The following KMT5A variants were observed in gnomAD, a reference collection of about 807,000 sequenced individuals.
KMT5A encodes N-lysine methyltransferase KMT5A.
A neutral mutation model predicts 40.6 loss-of-function variants in KMT5A; 6 were observed. That is an observed-to-expected ratio of 0.15 (90% CI 0.08 to 0.29). The LOEUF is 0.29. KMT5A is among the 10% of genes least tolerant of loss of function. KMT5A has a pLI of 1.00. For missense variants in KMT5A, 308 were observed against 459.1 expected (o/e 0.67, Z 3.01); for synonymous variants, 153 against 178.8 (o/e 0.86, Z 1.15).
intron 3 of KMT5A, among the ~76,000 whole-genome samples, chr12:123,393,268 A>T (rs1473298856): frequency 6.6e-6 from 1 of 152,150 alleles, no homozygotes; most frequent in African/African-American, 2.4e-5. Context: ...GGTGGTTTTT[A>T]GTATATTCAC....
At chr12:123,405,605 C>T (rs1290196568) in intron 7 of KMT5A, among the ~76,000 whole-genome samples, 1 of 150,548 alleles carries the variant, frequency 6.6e-6, no homozygotes, top group African/African-American at 2.4e-5. Flanking sequence ...CTGCAACCTC[C>T]ACCTCCCGGG....
At position 123,389,502 on chromosome 12, in the gene KMT5A, CG is replaced by C; in HGVS notation, c.83del (p.Gly28AlafsTer31). On this transcript the variant is annotated frameshift_variant, in exon 2 of 8. Transcript: ENST00000402868. LOFTEE classifies it high-confidence loss of function. ...GCGGCGGCGGTGGCAGCGACGGCCC[CG>C]GGCCCGGAGATGGTGGAGCGGAGGG... ...AAAAAVAATA[P>X]GPEMVERRGP... The C allele has an allele frequency of 8.9e-7, 1 of 1,127,332 alleles. No homozygotes were observed. The highest frequency in any genetic ancestry group is 1.1e-6 in the Non-Finnish European group (1 of 926,226). 69.8% of individuals were successfully genotyped at this position (1,127,332 alleles called of 1,614,324 possible).
chr12:123,407,876 G>T lies in KMT5A; in HGVS notation c.*173G>T, dbSNP rs1382697592. ...TGTAGTATTTAAATATCTGTTACAGGTTTCCAAGGTGGACTTGAACAGATG... is the reference window on the plus strand; with the variant it reads ...TGTAGTATTTAAATATCTGTTACAGTTTTCCAAGGTGGACTTGAACAGATG... On this transcript the variant is annotated 3_prime_UTR_variant, in exon 8 of 8. Coordinates refer to ENST00000402868, the MANE Select transcript of KMT5A (RefSeq NM_020382.7). 1 of 599,586 alleles carries T rather than the reference G, an allele frequency of 1.7e-6. No individual in the cohort carries two copies. Among genetic ancestry groups the T allele is most frequent in the Admixed American group, 3.0e-5 (1 of 33,336 alleles). 37.1% of individuals were successfully genotyped at this position (599,586 alleles called of 1,614,324 possible). A position where few individuals can be genotyped will look rare whatever the true frequency, so the allele number is the denominator to read the frequency against.
intron 3 of KMT5A, among the ~76,000 whole-genome samples, chr12:123,393,208 A>G (rs758424990): frequency 7.2e-5 from 11 of 152,062 alleles, no homozygotes; most frequent in Non-Finnish European, 1.3e-4. Context: ...TGTTTTGTTT[A>G]TCTAGATATA....
chr12:123,390,634 A>C lies in KMT5A; in HGVS notation c.137A>C (p.Asn46Thr). ...GPGRPRTDGE[N>T]VFTGQSKIYS... is the part of the protein sequence containing the mutation. ...AATATGCTTTTGTCTTTTTAGGAGA[A>C]CGTATTTACCGGGCAGTCAAAGATC... Residue 46 changes from asparagine to threonine, a missense_variant, in exon 3 of 8, where the codon AAC becomes ACC. By Grantham distance (65) the Asn-to-Thr change is moderately conservative (BLOSUM62 0). Transcript: ENST00000402868. The C allele has an allele frequency of 6.2e-7, 1 of 1,613,610 alleles. No individual in the cohort carries two copies. The highest frequency in any genetic ancestry group is 1.7e-4 in the Middle Eastern group (1 of 6,036).
intron 4 of KMT5A, 81 bp from the exon 5 acceptor site, chr12:123,396,264 C>CGGTGTGTGCCTTCTAAGGA: frequency 1.5e-6 from 2 of 1,319,376 alleles, no homozygotes; most frequent in South Asian, 2.4e-5. Context: ...TGTGCCTCCT[C>CGGTGTGTGCCTTCTAAGGA]GGTGTGTGCC....
intron 5 of KMT5A, 111 bp from the exon 6 acceptor site, chr12:123,403,462 C>A: frequency 8.6e-7 from 1 of 1,165,260 alleles, no homozygotes; most frequent in Non-Finnish European, 1.3e-6. Flanking sequence ...CAAATGAGGC[C>A]GATTGTGGCC....
Position 123,390,870 on chromosome 12 carries a change from T to C in KMT5A, c.289+84T>C, listed in dbSNP as rs201507402. ...TCCTCTGCAAGAATGCACATATGTA[T>C]TTATCCAACCTTTTCAGTCTCAGAT... On this transcript the variant is annotated intron_variant, in intron 3 of 7. Coordinates refer to ENST00000402868, the MANE Select transcript of KMT5A (RefSeq NM_020382.7). 191 of 1,469,808 alleles carry C rather than the reference T, an allele frequency of 1.3e-4. No individual in the cohort carries two copies. The East Asian group carries it at 4.1e-3, about 32-fold the overall frequency. 91.0% of individuals were successfully genotyped at this position (1,469,808 alleles called of 1,614,324 possible). A position where few individuals can be genotyped will look rare whatever the true frequency, so the allele number is the denominator to read the frequency against.
chr12:123,406,603 C>T (rs190935542), intron 7 of KMT5A, among the ~76,000 whole-genome samples: 275 of 152,286 alleles, frequency 1.8e-3, no homozygotes, highest in African/African-American at 6.1e-3. Context: ...CGTGAGCCAC[C>T]GCGCCTGGCG....
chr12:123,400,807 TTTTTTTG>T (rs971097610), intron 5 of KMT5A, among the ~76,000 whole-genome samples: 25 of 152,090 alleles, frequency 1.6e-4, no homozygotes, highest in Non-Finnish European at 3.1e-4. Context: ...GTTGAAGTTT[TTTTTTTG>T]TTTTTTGTTT....
intron 5 of KMT5A, among the ~76,000 whole-genome samples, chr12:123,401,656 A>C (rs1447822748): frequency 6.6e-6 from 1 of 151,886 alleles, no homozygotes; most frequent in African/African-American, 2.4e-5. Context: ...ATCTTGGCCT[A>C]CTGCAAACTC....
chr12:123,393,683 G>A (rs1337043026), intron 3 of KMT5A, among the ~76,000 whole-genome samples: 1 of 152,022 alleles, frequency 6.6e-6, no homozygotes, highest in Non-Finnish European at 1.5e-5. Context: ...GGGATTATAG[G>A]CGCACACCAC....
At position 123,384,879 on chromosome 12, in the gene KMT5A, C is replaced by T. The variant is rs916411800; in HGVS notation, c.10+671C>T. 1.3e-5 allele frequency among the ~76,000 whole-genome samples: 2 copies of T among 152,202 alleles called. No individual in the cohort carries two copies. The highest frequency in any genetic ancestry group is 2.4e-5 in the African/African-American group (1 of 41,468). On this transcript the variant is annotated intron_variant, in intron 1 of 7. Coordinates refer to ENST00000402868, the MANE Select transcript of KMT5A (RefSeq NM_020382.7). This position sits in a 1 kb window ranked among gnomAD's most constrained non-coding sequence, Gnocchi z 5.7. ...TTGTACAGCCCTGGGAGGCGATGCC[C>T]TGTCTGAAGTCCTCTGCATACTTAG...
chr12:123,400,156 C>A (rs148312590), intron 5 of KMT5A, among the ~76,000 whole-genome samples: 239 of 147,742 alleles, frequency 1.6e-3, no homozygotes, highest in Non-Finnish European at 2.9e-3. Flanking sequence ...TTAAAAAGGC[C>A]TCCCAAGTAG....
In KMT5A at chr12:123,408,737, C is replaced by T. The variant is rs184261621; in HGVS notation, c.*1034C>T. 6.6e-6 allele frequency: 1 copy of T among 152,438 alleles called. No homozygotes were observed. Among genetic ancestry groups the T allele is most frequent in the African/African-American group, 2.4e-5 (1 of 41,394 alleles). The allele number at this position is 152,438 out of a possible 1,614,324, so 9.4% of individuals were successfully genotyped here. On this transcript the variant is annotated 3_prime_UTR_variant, in exon 8 of 8. Transcript: ENST00000402868. ...AAAGTTCCAGACCTGCTGTCGAGGCCTTGTGTTTGTCAGACACCCAGTGTC... is the reference window on the plus strand; with the variant it reads ...AAAGTTCCAGACCTGCTGTCGAGGCTTTGTGTTTGTCAGACACCCAGTGTC...
chr12:123,406,612 CG>C (rs1878574255), intron 7 of KMT5A, among the ~76,000 whole-genome samples: 1 of 152,196 alleles, frequency 6.6e-6, no homozygotes, highest in Non-Finnish European at 1.5e-5. Context: ...CCGCGCCTGG[CG>C]GGGTTGATTT....
chr12:123,391,708 G>C (rs1877330454), intron 3 of KMT5A, among the ~76,000 whole-genome samples: 1 of 152,236 alleles, frequency 6.6e-6, no homozygotes, highest in East Asian at 1.9e-4. Flanking sequence ...GGGAGTGTCA[G>C]CTTTCCCCAA....
rs1566086227 is a variant in KMT5A at position 123,409,114 on chromosome 12, C to T, written c.*1411C>T. On this transcript the variant is annotated 3_prime_UTR_variant, in exon 8 of 8. Transcript: ENST00000402868. ...GAGGCTGTCCTCGTCTTTGATTCCC[C>T]CCCAACCCCACCTCGGGCCTCACGA... 1 of 152,178 alleles carries T rather than the reference C, an allele frequency of 6.6e-6. No homozygotes were observed. Among genetic ancestry groups the T allele is most frequent in the Admixed American group, 6.6e-5 (1 of 15,204 alleles). 9.4% of individuals were successfully genotyped at this position (152,178 alleles called of 1,614,324 possible).
At chr12:123,403,542 A>G (rs754551974) in intron 5 of KMT5A, 31 bp from the exon 6 acceptor site, 5 of 1,613,056 alleles carry the variant, frequency 3.1e-6, no homozygotes, top group Non-Finnish European at 2.5e-6. Flanking sequence ...AGGAGAAGAT[A>G]CTGATGCTGT....
Sources: gnomAD v4.1 joint callset for allele counts (sites outside exome capture counted in the v4.1 genomes callset) on GRCh38, gnomAD v4.1.1 for gene constraint, Gnocchi (gnomAD v3.1) non-coding constraint, MANE v1.5 for transcripts, NCBI Gene and HGNC (gene_info 2026-07-23, HGNC 2026-07-21) for gene names.